LIMS1: variants seen among roughly 807,000 people sequenced by gnomAD.
LIMS1 encodes the protein LIM and senescent cell antigen-like-containing domain protein 1.
LIMS1 carries 18 observed loss-of-function variants against 44.1 expected under a neutral mutation model. The observed-to-expected ratio is 0.41, with a 90% confidence interval of 0.28 to 0.61. LIMS1 has a LOEUF of 0.61. LIMS1 is among the 20% of genes least tolerant of loss of function. The pLI is 0.32. For synonymous variants in LIMS1, 93 were observed against 149.1 expected (o/e 0.62, Z 2.74); for missense variants, 201 against 422.0 (o/e 0.48, Z 4.59).
At chr2:108,544,063 C>T (rs924199998) in intron 1 of LIMS1, among the ~76,000 whole-genome samples, 1 of 152,180 alleles carries the variant, frequency 6.6e-6, no homozygotes, top group Non-Finnish European at 1.5e-5. Context: ...TCTCTCTTCT[C>T]TCTTTCCCTG....
intron 1 of LIMS1, among the ~76,000 whole-genome samples, chr2:108,604,399 G>A (rs555049172): frequency 6.6e-6 from 1 of 152,164 alleles, no homozygotes; most frequent in Non-Finnish European, 1.5e-5. Flanking sequence ...AGACTTTATA[G>A]CCTGCAAGGC....
chr2:108,652,906 A>G (rs1690598797), intron 1 of LIMS1, among the ~76,000 whole-genome samples: 1 of 152,094 alleles, frequency 6.6e-6, no homozygotes, highest in Non-Finnish European at 1.5e-5. Flanking sequence ...TCACTGTTTC[A>G]CATGGTCATT....
intron 8 of LIMS1, chr2:108,678,426 A>T (rs749195725): frequency 5.9e-5 from 15 of 254,516 alleles, no homozygotes; most frequent in Non-Finnish European, 8.8e-5. Flanking sequence ...CAGCAAGCAT[A>T]TCTAGGACTT....
At chr2:108,616,067 A>G (rs552198833) in intron 1 of LIMS1, among the ~76,000 whole-genome samples, 2 of 151,960 alleles carry the variant, frequency 1.3e-5, no homozygotes, top group African/African-American at 4.8e-5. Flanking sequence ...TACCTGGAAA[A>G]TTTGCATATT....
At chr2:108,633,992 G>A (rs1361758269) in intron 1 of LIMS1, among the ~76,000 whole-genome samples, 5 of 152,172 alleles carry the variant, frequency 3.3e-5, no homozygotes, top group African/African-American at 9.7e-5. Context: ...TTCTTTAGAA[G>A]TAGTATTTCT....
rs539859166 is a variant in LIMS1 at position 108,654,943 on chromosome 2, C to A, written c.33-4662C>A. Reference sequence around the variant, plus strand: ...CATGAAGCAGCAGTAGTGACCCTGGCGGGCCAGGCTGACGTGCGTGGGAAC... The same window carrying A: ...CATGAAGCAGCAGTAGTGACCCTGGAGGGCCAGGCTGACGTGCGTGGGAAC... On this transcript the variant is annotated intron_variant, in intron 1 of 9. Coordinates refer to ENST00000544547, the Ensembl canonical transcript of LIMS1. 7.1e-5 allele frequency: 108 copies of A among 1,515,348 alleles called. No homozygotes were observed. In the South Asian group the frequency reaches 1.2e-3, roughly 18 times the overall value. The allele number at this position is 1,515,348 out of a possible 1,614,324, so 93.9% of individuals were successfully genotyped here.
intron 1 of LIMS1, among the ~76,000 whole-genome samples, chr2:108,629,040 A>G (rs767951542): frequency 6.6e-6 from 1 of 152,216 alleles, no homozygotes; most frequent in Non-Finnish European, 1.5e-5. Context: ...ACAGAAACGT[A>G]TTGCCATCAC....
At chr2:108,649,847 T>C (rs368910269) in intron 1 of LIMS1, among the ~76,000 whole-genome samples, 1 of 152,076 alleles carries the variant, frequency 6.6e-6, no homozygotes, top group Admixed American at 6.6e-5. Context: ...GGGATAGCAT[T>C]AGAAGAAATA....
At position 108,670,692 on chromosome 2, in the gene LIMS1, A is replaced by G. The variant is rs1038098085; in HGVS notation, c.193-89A>G. 44 of 1,266,094 alleles carry G rather than the reference A, an allele frequency of 3.5e-5. 1 individual carries two copies. In the African/African-American group the frequency reaches 5.4e-4, roughly 16 times the overall value. The allele number at this position is 1,266,094 out of a possible 1,614,324, so 78.4% of individuals were successfully genotyped here. On this transcript the variant is annotated intron_variant, in intron 2 of 9. Coordinates refer to ENST00000544547, the Ensembl canonical transcript of LIMS1. The stretch of plus-strand genomic sequence containing the variant: ...TCTTAGAGTAGAACTCTTAGTTTAG[A>G]AACATCTTTCCTGTATATCTTCATC...
At chr2:108,673,157 A>G in intron 5 of LIMS1, 128 bp downstream of exon 5, 2 of 1,376,386 alleles carry the variant, frequency 1.5e-6, no homozygotes, top group East Asian at 2.3e-5. Flanking sequence ...TTTTAAACCT[A>G]TAGACGAGTC....
chr2:108,555,750 G>A (rs1437319114), intron 1 of LIMS1, among the ~76,000 whole-genome samples: 1 of 152,202 alleles, frequency 6.6e-6, no homozygotes, highest in East Asian at 1.9e-4. Context: ...GGGAAGGCAG[G>A]CTTGCACTCA....
intron 1 of LIMS1, among the ~76,000 whole-genome samples, chr2:108,558,737 C>T (rs1181405138): frequency 6.7e-6 from 1 of 149,634 alleles, no homozygotes; most frequent in Non-Finnish European, 1.5e-5. Flanking sequence ...GTGGTGCGAT[C>T]TCGGCTCACT....
chr2:108,631,104 T>C (rs1688895907), intron 1 of LIMS1, among the ~76,000 whole-genome samples: 1 of 152,212 alleles, frequency 6.6e-6, no homozygotes. Context: ...GCTTCTAGCC[T>C]CTGGCTTAAG....
At chr2:108,618,718 G>A (rs1258620586) in intron 1 of LIMS1, among the ~76,000 whole-genome samples, 3 of 151,780 alleles carry the variant, frequency 2.0e-5, no homozygotes, top group Non-Finnish European at 4.4e-5. Flanking sequence ...CCAGCTACTT[G>A]GGAGGCTGAG....
chr2:108,631,776 C>G lies in LIMS1; in HGVS notation c.33-27829C>G, dbSNP rs576812496. On this transcript the variant is annotated intron_variant, in intron 1 of 9. Transcript: ENST00000544547. ...TGCCCTTTCTTCATGGTCTGTAAGC[C>G]CTGGGTCTGGGAGCAGTGGTGCAGA... is the stretch of plus-strand genomic sequence containing the variant. 2.0e-5 allele frequency among the ~76,000 whole-genome samples: 3 copies of G among 152,282 alleles called. No individual in the cohort carries two copies. In the South Asian group the frequency reaches 6.2e-4, roughly 32 times the overall value.
intron 1 of LIMS1, among the ~76,000 whole-genome samples, chr2:108,554,877 T>C (rs781559040): frequency 2.6e-5 from 4 of 152,300 alleles, no homozygotes; most frequent in Middle Eastern, 6.8e-3. Context: ...GGAAGCTTAT[T>C]GAAGATGTAG....
At chr2:108,678,900 T>C (rs1692753803) in intron 8 of LIMS1, among the ~76,000 whole-genome samples, 1 of 152,270 alleles carries the variant, frequency 6.6e-6, no homozygotes, top group East Asian at 1.9e-4. Context: ...ACATGGTGCA[T>C]GGACAGTTGC....
intron 1 of LIMS1, among the ~76,000 whole-genome samples, chr2:108,637,703 G>T (rs1689370863): frequency 1.3e-5 from 2 of 152,090 alleles, no homozygotes; most frequent in South Asian, 4.1e-4. Flanking sequence ...AGCTGTTTAG[G>T]TGTGAGAATG....
intron 1 of LIMS1, among the ~76,000 whole-genome samples, chr2:108,537,206 A>G (rs986941383): frequency 4.6e-5 from 7 of 152,232 alleles, no homozygotes; most frequent in Admixed American, 3.9e-4. Flanking sequence ...ATATCTTAGT[A>G]TGATGAAAAT....
Sources: allele counts gnomAD v4.1 joint callset (sites outside exome capture counted in the v4.1 genomes callset), GRCh38; gene constraint gnomAD v4.1.1; transcripts MANE v1.5; gene names NCBI Gene and HGNC (gene_info 2026-07-23, HGNC 2026-07-21).